Variants in SGCZ observed in about 807,000 individuals in gnomAD.
SGCZ encodes sarcoglycan zeta, also known as zeta-sarcoglycan.
Under a neutral mutation model 41.3 loss-of-function variants are expected in SGCZ, and 40 were observed. That is an observed-to-expected ratio of 0.97 (90% CI 0.75 to 1.26). SGCZ has a LOEUF of 1.26. Ranked by LOEUF, SGCZ falls within the 50% of genes most tolerant of loss-of-function variation. SGCZ has a pLI of 0.00. For synonymous variants in SGCZ, 206 were observed against 137.5 expected (o/e 1.50, Z -3.49); for missense variants, 552 against 369.8 (o/e 1.49, Z -4.04).
chr8:14,326,020 G>A (rs980736309), intron 2 of SGCZ, among the ~76,000 whole-genome samples: 1 of 143,568 alleles, frequency 7.0e-6, no homozygotes, highest in Non-Finnish European at 1.5e-5. Context: ...GCTGAGGCAG[G>A]AGAATGGCAC....
intron 1 of SGCZ, among the ~76,000 whole-genome samples, chr8:15,203,073 G>T (rs905937675): frequency 2.0e-5 from 3 of 151,750 alleles, no homozygotes; most frequent in Non-Finnish European, 4.4e-5. Flanking sequence ...CCATGTCATG[G>T]CACTCAACCC....
intron 5 of SGCZ, among the ~76,000 whole-genome samples, chr8:14,138,512 C>CAA (rs34148689): frequency 4.7e-5 from 3 of 63,416 alleles, no homozygotes; most frequent in Non-Finnish European, 2.9e-5. Context: ...AAAGGGAAAA[C>CAA]AAAAAAAAAA....
At chr8:14,964,337 T>A (rs1472199408) in intron 1 of SGCZ, among the ~76,000 whole-genome samples, 1 of 152,204 alleles carries the variant, frequency 6.6e-6, no homozygotes, top group Non-Finnish European at 1.5e-5. Context: ...ATTTGACTAT[T>A]CCTCATGTCT....
intron 1 of SGCZ, among the ~76,000 whole-genome samples, chr8:14,872,192 T>G (rs1299298615): frequency 6.6e-6 from 1 of 151,944 alleles, no homozygotes; most frequent in Non-Finnish European, 1.5e-5. Flanking sequence ...AGGGGAGGGA[T>G]AGCATTAGGA....
intron 2 of SGCZ, among the ~76,000 whole-genome samples, chr8:14,391,411 T>A (rs1804766265): frequency 6.6e-6 from 1 of 152,176 alleles, no homozygotes; most frequent in Non-Finnish European, 1.5e-5. Flanking sequence ...TTGGTCTATG[T>A]TGTATACCTA....
intron 3 of SGCZ, among the ~76,000 whole-genome samples, chr8:14,281,950 A>G (rs1800458231): frequency 6.6e-6 from 1 of 152,086 alleles, no homozygotes; most frequent in South Asian, 2.1e-4. Context: ...TTTGCATTTA[A>G]ACGAACAACA....
intron 1 of SGCZ, among the ~76,000 whole-genome samples, chr8:14,642,518 T>C (rs956058188): frequency 2.0e-5 from 3 of 150,840 alleles, no homozygotes; most frequent in African/African-American, 4.8e-5. Flanking sequence ...CGACCTTACA[T>C]ATTGGCTTCT....
intron 1 of SGCZ, among the ~76,000 whole-genome samples, chr8:14,871,489 T>C (rs1000281968): frequency 1.3e-4 from 19 of 151,950 alleles, no homozygotes. Context: ...CTAACCCAAA[T>C]GACCATCAAT....
At chr8:14,460,834 A>T (rs1270781268) in intron 2 of SGCZ, among the ~76,000 whole-genome samples, 1 of 152,176 alleles carries the variant, frequency 6.6e-6, no homozygotes, top group East Asian at 1.9e-4. Flanking sequence ...CTTGTTTGAG[A>T]CAGTATTGTT....
intron 1 of SGCZ, among the ~76,000 whole-genome samples, chr8:14,797,971 G>A (rs1226332550): frequency 2.6e-5 from 4 of 152,198 alleles, no homozygotes; most frequent in Admixed American, 6.5e-5. Flanking sequence ...GATTTCAGAG[G>A]ATGTAGGGAA....
intron 1 of SGCZ, among the ~76,000 whole-genome samples, chr8:14,662,296 T>C (rs560817962): frequency 6.6e-6 from 1 of 152,324 alleles, no homozygotes; most frequent in South Asian, 2.1e-4. Context: ...TTATTTCCAA[T>C]TTTTGATTTG....
chr8:14,655,694 G>C (rs1198967083), intron 1 of SGCZ, among the ~76,000 whole-genome samples: 1 of 152,098 alleles, frequency 6.6e-6, no homozygotes, highest in Non-Finnish European at 1.5e-5. Flanking sequence ...GATACTGACA[G>C]TAATAGACTC....
intron 1 of SGCZ, among the ~76,000 whole-genome samples, chr8:15,055,381 G>A (rs932144382): frequency 6.6e-6 from 1 of 151,920 alleles, no homozygotes; most frequent in African/African-American, 2.4e-5. Flanking sequence ...CATAGTTATG[G>A]CAGACCTTGT....
chr8:14,130,486 C>CA (rs869082945), intron 5 of SGCZ, among the ~76,000 whole-genome samples: 10 of 144,478 alleles, frequency 6.9e-5, no homozygotes, highest in Non-Finnish European at 1.3e-4. Context: ...TTCCCACACA[C>CA]AAAAAAATGA....
chr8:14,106,470 T>C (rs1470730887), intron 6 of SGCZ, among the ~76,000 whole-genome samples: 1 of 107,624 alleles, frequency 9.3e-6, no homozygotes, highest in South Asian at 5.4e-4. Context: ...TTTTTCCTAA[T>C]AAATATTGTT....
chr8:14,135,846 A>C (rs1174681743), intron 5 of SGCZ, among the ~76,000 whole-genome samples: 1 of 152,130 alleles, frequency 6.6e-6, no homozygotes, highest in Non-Finnish European at 1.5e-5. Context: ...AAATCAGACC[A>C]AAAAACAGTA....
At chr8:15,216,156 C>G (rs1019427159) in intron 1 of SGCZ, among the ~76,000 whole-genome samples, 2 of 151,752 alleles carry the variant, frequency 1.3e-5, no homozygotes, top group Non-Finnish European at 2.9e-5. Context: ...TGGTTGAAAG[C>G]AAAGGCACTT....
At chr8:14,485,484 C>A (rs932507075) in intron 2 of SGCZ, among the ~76,000 whole-genome samples, 1 of 152,140 alleles carries the variant, frequency 6.6e-6, no homozygotes, top group African/African-American at 2.4e-5. Flanking sequence ...CATCTGCCCA[C>A]GTCAGACTCC....
intron 1 of SGCZ, among the ~76,000 whole-genome samples, chr8:15,018,589 G>A (rs1374870104): frequency 1.3e-5 from 2 of 152,198 alleles, no homozygotes; most frequent in Admixed American, 6.5e-5. Flanking sequence ...ACAGTTTGAT[G>A]GGCTTGAGGA....
Sources: gnomAD v4.1 joint callset for allele counts (sites outside exome capture counted in the v4.1 genomes callset) on GRCh38, gnomAD v4.1.1 for gene constraint, MANE v1.5 for transcripts, NCBI Gene and HGNC (gene_info 2026-07-23, HGNC 2026-07-21) for gene names.